Variants in JAM2 observed in about 807,000 individuals in gnomAD.
The protein encoded by JAM2 is junctional adhesion molecule 2, also known as junctional adhesion molecule B.
In JAM2, 17 loss-of-function variants were observed where a neutral mutation model predicts 42.0. The ratio of observed to expected loss-of-function variants is 0.40; its 90% confidence interval spans 0.28 to 0.61. The LOEUF is 0.61. JAM2 is among the 20% of genes least tolerant of loss of function. The pLI is 0.37. For missense variants in JAM2, 319 were observed against 358.3 expected, an observed-to-expected ratio of 0.89 and a Z score of 0.89; for synonymous variants, 118 against 128.6, an observed-to-expected ratio of 0.92 and a Z score of 0.56.
intron 1 of JAM2, among the ~76,000 whole-genome samples, chr21:25,657,834 C>A (rs2032980620): frequency 6.6e-6 from 1 of 152,116 alleles, no homozygotes; most frequent in African/African-American, 2.4e-5. Flanking sequence ...TAGCTAAGAA[C>A]ATGTTTTAAA....
At chr21:25,682,602 C>T (rs147534265) in intron 1 of JAM2, among the ~76,000 whole-genome samples, 1 of 152,336 alleles carries the variant, frequency 6.6e-6, no homozygotes, top group African/African-American at 2.4e-5. Flanking sequence ...GCCTTGCCAT[C>T]CACAGATGGC....
At chr21:25,693,277 A>G (rs986967489) in intron 3 of JAM2, among the ~76,000 whole-genome samples, 14 of 143,650 alleles carry the variant, frequency 9.7e-5, no homozygotes, top group Non-Finnish European at 2.0e-4. Flanking sequence ...TTTTTTTTTG[A>G]GACTGAGTTT....
At chr21:25,675,935 C>G (rs1366783207) in intron 1 of JAM2, among the ~76,000 whole-genome samples, 7 of 152,064 alleles carry the variant, frequency 4.6e-5, no homozygotes, top group Admixed American at 2.0e-4. Flanking sequence ...AACTGATATC[C>G]ATACTTTTTA....
Position 25,639,758 on chromosome 21 carries a change from C to T in JAM2, c.-64C>T. ...CCCCAGAAGTTCAAGGGCCCCCGGC[C>T]TCCTGCGCTCCTGCCGCCGGGACCC... On this transcript the variant is annotated 5_prime_UTR_variant, in exon 1 of 10. Coordinates refer to ENST00000480456, the MANE Select transcript of JAM2 (RefSeq NM_021219.4). The T allele has an allele frequency of 1.7e-6, 2 of 1,143,090 alleles. No individual in the cohort carries two copies. Among genetic ancestry groups the T allele is most frequent in the East Asian group, 2.7e-5 (1 of 37,094 alleles). The allele number at this position is 1,143,090 out of a possible 1,614,324, so 70.8% of individuals were successfully genotyped here. A position where few individuals can be genotyped will look rare whatever the true frequency, so the allele number is the denominator to read the frequency against.
At chr21:25,668,890 AG>A (rs780314228) in intron 1 of JAM2, among the ~76,000 whole-genome samples, 2 of 152,190 alleles carry the variant, frequency 1.3e-5, no homozygotes, top group Non-Finnish European at 2.9e-5. Flanking sequence ...CGTGTTAAGA[AG>A]AAGGGTGTGA....
chr21:25,684,582 A>G lies in JAM2; in HGVS notation c.133+634A>G, dbSNP rs140335960. 3.0e-3 allele frequency among the ~76,000 whole-genome samples: 458 copies of G among 152,086 alleles called. 1 individual carries two copies. The highest frequency in any genetic ancestry group is 3.5e-3 in the Non-Finnish European group (239 of 67,994). On this transcript the variant is annotated intron_variant, in intron 2 of 9. Coordinates refer to ENST00000480456, the MANE Select transcript of JAM2 (RefSeq NM_021219.4). The stretch of plus-strand genomic sequence containing the variant: ...TATATGGGCTTTTTAATAAGCTTTC[A>G]TTGTTGTTGTTGTTGTTTTGTTTTG...
chr21:25,655,892 T>C (rs1308068983), intron 1 of JAM2, among the ~76,000 whole-genome samples: 1 of 150,258 alleles, frequency 6.7e-6, no homozygotes, highest in African/African-American at 2.5e-5. Context: ...AAGCTATTTA[T>C]TTAGTCTATT....
chr21:25,680,066 C>T (rs778867458), intron 1 of JAM2, among the ~76,000 whole-genome samples: 6 of 152,158 alleles, frequency 3.9e-5, no homozygotes, highest in South Asian at 2.1e-4. Flanking sequence ...ACTTGTAAAG[C>T]GCCAAGTGCT....
intron 4 of JAM2, among the ~76,000 whole-genome samples, chr21:25,695,664 G>A (rs974943801): frequency 3.3e-5 from 5 of 151,634 alleles, no homozygotes; most frequent in African/African-American, 9.7e-5. Context: ...TCACTTCCCA[G>A]ACGGGGCGGG....
chr21:25,665,673 G>A (rs755626907), intron 1 of JAM2, among the ~76,000 whole-genome samples: 2 of 152,114 alleles, frequency 1.3e-5, no homozygotes, highest in African/African-American at 4.8e-5. Flanking sequence ...TCAGTCTTTT[G>A]TTCAATTTAG....
At chr21:25,703,141 C>T (rs1473676480) in intron 6 of JAM2, among the ~76,000 whole-genome samples, 2 of 152,184 alleles carry the variant, frequency 1.3e-5, no homozygotes, top group Non-Finnish European at 2.9e-5. Flanking sequence ...TGTGAGCCAC[C>T]GTACCCGGCC....
Position 25,716,537 on chromosome 21 carries a change from G to A in JAM2, c.*1865G>A, listed in dbSNP as rs1446819848. On this transcript the variant is annotated 3_prime_UTR_variant, in exon 10 of 10. Transcript: ENST00000480456. ...GCCCCCAAAATAAAATTTTCACCAC[G>A]AGTCAGGGATCGGCAAACATTTTCT... The A allele has an allele frequency of 7.6e-6, 1 of 132,422 alleles. No individual in the cohort carries two copies. The highest frequency in any genetic ancestry group is 1.9e-4 in the East Asian group (1 of 5,190). 8.2% of individuals were successfully genotyped at this position (132,422 alleles called of 1,614,324 possible). A position where few individuals can be genotyped will look rare whatever the true frequency, so the allele number is the denominator to read the frequency against.
intron 4 of JAM2, among the ~76,000 whole-genome samples, chr21:25,696,065 G>A (rs1437651210): frequency 1.3e-5 from 2 of 152,206 alleles, no homozygotes; most frequent in South Asian, 4.1e-4. Flanking sequence ...GTAGCGAGCC[G>A]AGATCACGCC....
At chr21:25,671,723 G>A (rs1167014678) in intron 1 of JAM2, among the ~76,000 whole-genome samples, 1 of 152,178 alleles carries the variant, frequency 6.6e-6, no homozygotes, top group African/African-American at 2.4e-5. Context: ...TGGCCAGGCT[G>A]GTCTCGAACT....
intron 1 of JAM2, among the ~76,000 whole-genome samples, chr21:25,666,033 C>A (rs115199976): frequency 0.06 from 9,151 of 151,952 alleles, 311 homozygotes; most frequent in Middle Eastern, 0.092. Flanking sequence ...GAGTGAGACA[C>A]CATCTCAAAA....
At position 25,714,802 on chromosome 21, in the gene JAM2, T is replaced by A; in HGVS notation, c.*130T>A. 1.7e-6 allele frequency: 1 copy of A among 592,520 alleles called. No homozygotes were observed. 36.7% of individuals were successfully genotyped at this position (592,520 alleles called of 1,614,324 possible). On this transcript the variant is annotated 3_prime_UTR_variant, in exon 10 of 10. Transcript: ENST00000480456. The stretch of plus-strand genomic sequence containing the variant: ...ATGGAATTGGTATTTCATTTTAATT[T>A]TCATGACTACTAACTCACCTGAACT...
intron 6 of JAM2, among the ~76,000 whole-genome samples, chr21:25,705,753 A>C (rs2034258049): frequency 2.0e-5 from 3 of 152,206 alleles, no homozygotes; most frequent in South Asian, 4.1e-4. Context: ...TAATCTGAGA[A>C]GTTTTTAAAA....
intron 1 of JAM2, among the ~76,000 whole-genome samples, chr21:25,675,919 T>C (rs2033480147): frequency 6.6e-6 from 1 of 152,204 alleles, no homozygotes; most frequent in African/African-American, 2.4e-5. Context: ...ATGAAACTTA[T>C]GATATAACTG....
intron 1 of JAM2, among the ~76,000 whole-genome samples, chr21:25,640,263 G>A (rs1481580599): frequency 3.9e-5 from 6 of 152,142 alleles, no homozygotes; most frequent in Admixed American, 3.9e-4. Context: ...AAGAAAGATG[G>A]CATCACTGGG....
Sources: allele counts gnomAD v4.1 joint callset (sites outside exome capture counted in the v4.1 genomes callset), GRCh38; gene constraint gnomAD v4.1.1; transcripts MANE v1.5; gene names NCBI Gene and HGNC (gene_info 2026-07-23, HGNC 2026-07-21).